CSMD1: variants seen among roughly 807,000 people sequenced by gnomAD.
CSMD1 encodes CUB and Sushi multiple domains 1.
A neutral mutation model predicts 417.5 loss-of-function variants in CSMD1; 213 were observed. That is an observed-to-expected ratio of 0.51 (90% confidence interval 0.46 to 0.57). The LOEUF is 0.57. Among genes scored for constraint, CSMD1 ranks in the 20% least tolerant of loss-of-function variants. The pLI is 0.00. For missense variants in CSMD1, 6,923 were observed against 4,529.7 expected (o/e 1.53, Z -15.17); for synonymous variants, 2,862 against 1,736.8 (o/e 1.65, Z -16.11).
chr8:3,206,842 C>G (rs1032824967), intron 30 of CSMD1, among the ~76,000 whole-genome samples: 4 of 152,114 alleles, frequency 2.6e-5, no homozygotes, highest in Non-Finnish European at 5.9e-5. Flanking sequence ...GAAGAGACCT[C>G]CAATTAAATC....
chr8:4,594,056 C>T (rs1156749329), intron 2 of CSMD1, among the ~76,000 whole-genome samples: 3 of 152,054 alleles, frequency 2.0e-5, no homozygotes, highest in Non-Finnish European at 4.4e-5. Flanking sequence ...TCATCAGTCT[C>T]CTCCATCTTT....
rs191897466 is a variant in CSMD1, at chr8:4,294,329, G to A, written c.415+125624C>T. Among the ~76,000 whole-genome samples the A allele has an allele frequency of 6.6e-5, 10 of 152,256 alleles. No individual in the cohort carries two copies. The East Asian group carries it at 1.7e-3, about 26-fold the overall frequency. On this transcript the variant is annotated intron_variant, in intron 3 of 69. Coordinates refer to ENST00000635120, the MANE Select transcript of CSMD1 (RefSeq NM_033225.6). ...TTAATAAATAATACGTGCACTGACG[G>A]TTTTCAAAATAAACCCAAGATTCTA...
chr8:4,335,809 G>T (rs570495473), intron 3 of CSMD1, among the ~76,000 whole-genome samples: 5 of 152,104 alleles, frequency 3.3e-5, no homozygotes, highest in Admixed American at 3.3e-4. Context: ...TCCCATGGAA[G>T]ATACAACATT....
At chr8:4,776,508 C>G (rs1451969537) in intron 1 of CSMD1, among the ~76,000 whole-genome samples, 2 of 152,160 alleles carry the variant, frequency 1.3e-5, no homozygotes, top group Admixed American at 6.6e-5. Flanking sequence ...AACAGCGTCT[C>G]AGGGCCCCAT....
intron 3 of CSMD1, among the ~76,000 whole-genome samples, chr8:4,309,070 T>C (rs1245768520): frequency 6.6e-6 from 1 of 152,166 alleles, no homozygotes; most frequent in African/African-American, 2.4e-5. Flanking sequence ...TTATTATTTT[T>C]TATGTTAGGT....
intron 8 of CSMD1, among the ~76,000 whole-genome samples, chr8:3,587,362 A>G (rs951023100): frequency 2.0e-5 from 3 of 152,184 alleles, no homozygotes; most frequent in African/African-American, 7.2e-5. Context: ...GCATTGTTAC[A>G]AGAGGAAATT....
At chr8:3,697,265 G>T (rs917204226) in intron 7 of CSMD1, among the ~76,000 whole-genome samples, 1 of 152,092 alleles carries the variant, frequency 6.6e-6, no homozygotes, top group Non-Finnish European at 1.5e-5. Context: ...AATTCTGTAA[G>T]CACTCTAATG....
chr8:3,760,394 T>C (rs1357119874), intron 5 of CSMD1, among the ~76,000 whole-genome samples: 1 of 152,212 alleles, frequency 6.6e-6, no homozygotes, highest in African/African-American at 2.4e-5. Flanking sequence ...ATGGGATCCT[T>C]ACAGTTACGA....
intron 30 of CSMD1, among the ~76,000 whole-genome samples, chr8:3,206,224 CTG>C (rs993704835): frequency 7.7e-5 from 9 of 117,456 alleles, no homozygotes; most frequent in Admixed American, 2.5e-4. Flanking sequence ...GTGTGTGTGT[CTG>C]TGTGTGTGTG....
At chr8:3,865,935 C>T (rs113206818) in intron 5 of CSMD1, among the ~76,000 whole-genome samples, 5,274 of 152,232 alleles carry the variant, frequency 0.035, 139 homozygotes, top group Non-Finnish European at 0.053. Flanking sequence ...CCTCATGTTT[C>T]CCTCGTGTCT....
At chr8:3,947,594 G>C (rs1469417281) in intron 5 of CSMD1, among the ~76,000 whole-genome samples, 4 of 152,118 alleles carry the variant, frequency 2.6e-5, no homozygotes, top group African/African-American at 7.2e-5. Flanking sequence ...TTATATAGAA[G>C]TGTTTTGTTT....
At chr8:3,396,776 A>G (rs919816045) in intron 16 of CSMD1, among the ~76,000 whole-genome samples, 1 of 152,130 alleles carries the variant, frequency 6.6e-6, no homozygotes, top group Admixed American at 6.5e-5. Context: ...ACCATTCCCT[A>G]TTTAACATAA....
intron 5 of CSMD1, among the ~76,000 whole-genome samples, chr8:3,818,287 G>A (rs953547917): frequency 1.2e-4 from 18 of 152,122 alleles, no homozygotes; most frequent in African/African-American, 4.3e-4. Flanking sequence ...CAGAGCCACA[G>A]GGTGTAGTGG....
chr8:4,106,914 T>A (rs1242520580), intron 3 of CSMD1, among the ~76,000 whole-genome samples: 1 of 152,122 alleles, frequency 6.6e-6, no homozygotes, highest in Non-Finnish European at 1.5e-5. Flanking sequence ...TCAATAGGCT[T>A]ATTTATAAAC....
At position 3,516,520 on chromosome 8, in the gene CSMD1, C is replaced by A. The variant is rs556877080; in HGVS notation, c.1345-22794G>T. 4.6e-5 allele frequency among the ~76,000 whole-genome samples: 7 copies of A among 152,322 alleles called. No homozygotes were observed. The East Asian group carries it at 1.2e-3, about 25-fold the overall frequency. On this transcript the variant is annotated intron_variant, in intron 10 of 69. Transcript: ENST00000635120. ...TATCTATGCTACTCCTCTCATTACACCTTTGTGAGAAGCACATCACATTAT... is the reference window on the plus strand; with the variant it reads ...TATCTATGCTACTCCTCTCATTACAACTTTGTGAGAAGCACATCACATTAT...
At chr8:3,849,997 G>C (rs920812232) in intron 5 of CSMD1, among the ~76,000 whole-genome samples, 6 of 107,984 alleles carry the variant, frequency 5.6e-5, no homozygotes, top group Admixed American at 8.8e-5. Flanking sequence ...TGTATTTTTA[G>C]TTTCACGATG....
chr8:4,243,215 C>T (rs1157356022), intron 3 of CSMD1, among the ~76,000 whole-genome samples: 3 of 151,826 alleles, frequency 2.0e-5, no homozygotes. Flanking sequence ...GAGCGATTGG[C>T]TATTAGGAGA....
intron 2 of CSMD1, among the ~76,000 whole-genome samples, chr8:4,591,354 A>G (rs1158997562): frequency 6.6e-6 from 1 of 152,208 alleles, no homozygotes. Context: ...TCACAGACAA[A>G]CTAGTTGGGC....
intron 12 of CSMD1, among the ~76,000 whole-genome samples, chr8:3,442,351 A>C (rs1398948018): frequency 6.6e-6 from 1 of 152,172 alleles, no homozygotes; most frequent in Non-Finnish European, 1.5e-5. Context: ...CTTCAATTTC[A>C]GCCATCACTC....
Sources: allele counts gnomAD v4.1 joint callset (sites outside exome capture counted in the v4.1 genomes callset), GRCh38; gene constraint gnomAD v4.1.1; transcripts MANE v1.5; gene names NCBI Gene and HGNC (gene_info 2026-07-23, HGNC 2026-07-21).